The following DBF4 variants were observed in gnomAD, a reference collection of about 807,000 sequenced individuals.
The protein encoded by DBF4 is DBF4-CDC7 kinase regulatory subunit, also known as protein DBF4 homolog A.
In DBF4, 25 loss-of-function variants were observed where a neutral mutation model predicts 76.6. The ratio of observed to expected loss-of-function variants is 0.33; its 90% confidence interval spans 0.24 to 0.46. DBF4 has a LOEUF of 0.46. DBF4 is among the 20% of genes least tolerant of loss of function. The pLI is 1.00. For synonymous variants in DBF4, 213 were observed against 258.0 expected (o/e 0.83, Z 1.67); for missense variants, 638 against 760.8 (o/e 0.84, Z 1.90).
intron 4 of DBF4, among the ~76,000 whole-genome samples, chr7:87,887,101 A>C (rs1456553526): frequency 6.6e-6 from 1 of 152,228 alleles, no homozygotes; most frequent in Non-Finnish European, 1.5e-5. Flanking sequence ...CTGGAAACTT[A>C]AAACTTGCCT....
intron 10 of DBF4, among the ~76,000 whole-genome samples, chr7:87,901,316 T>C (rs1839782639): frequency 6.6e-6 from 1 of 152,174 alleles, no homozygotes; most frequent in Non-Finnish European, 1.5e-5. Context: ...AATGAAGTAA[T>C]GAGACCTGGA....
At chr7:87,878,273 T>C in intron 2 of DBF4, 48 bp downstream of exon 2, 1 of 1,407,332 alleles carries the variant, frequency 7.1e-7, no homozygotes, top group Non-Finnish European at 9.7e-7. Flanking sequence ...TTGTAACTAG[T>C]ACTTTCTACT....
chr7:87,877,545 TTGTA>T (rs1839098724), intron 1 of DBF4, among the ~76,000 whole-genome samples: 1 of 152,212 alleles, frequency 6.6e-6, no homozygotes. Flanking sequence ...CGTAGACAAA[TTGTA>T]TGTGAAATGG....
chr7:87,884,923 T>C, intron 2 of DBF4, 56 bp from the exon 3 acceptor site: 1 of 1,343,376 alleles, frequency 7.4e-7, no homozygotes, highest in Non-Finnish European at 1.0e-6. Flanking sequence ...GATAACACAG[T>C]GAGACCGTGT....
At chr7:87,889,800 A>G (rs1274272628) in intron 6 of DBF4, among the ~76,000 whole-genome samples, 1 of 152,220 alleles carries the variant, frequency 6.6e-6, no homozygotes, top group Non-Finnish European at 1.5e-5. Flanking sequence ...TTGTAGGTTG[A>G]AAAGTGAATG....
intron 10 of DBF4, among the ~76,000 whole-genome samples, chr7:87,903,854 C>A (rs947541102): frequency 6.6e-6 from 1 of 151,986 alleles, no homozygotes; most frequent in African/African-American, 2.4e-5. Context: ...GCCACCAGGC[C>A]CAGCCGATTT....
chr7:87,893,390 C>T (rs1239114821), intron 6 of DBF4, among the ~76,000 whole-genome samples: 7 of 151,630 alleles, frequency 4.6e-5, no homozygotes, highest in African/African-American at 7.3e-5. Flanking sequence ...GGACTACAGG[C>T]GCCCGCCACC....
At chr7:87,887,460 G>A in intron 5 of DBF4, 62 bp downstream of exon 5, 2 of 1,478,922 alleles carry the variant, frequency 1.4e-6, no homozygotes, top group Non-Finnish European at 1.8e-6. Flanking sequence ...CTGTCCTTTG[G>A]TTCCTGACTT....
At chr7:87,906,205 T>C (rs1839910722) in intron 11 of DBF4, among the ~76,000 whole-genome samples, 2 of 152,016 alleles carry the variant, frequency 1.3e-5, no homozygotes, top group South Asian at 2.1e-4. Flanking sequence ...TAAGAACTTA[T>C]AATTCCCTAA....
Position 87,886,887 on chromosome 7 carries a change from A to C in DBF4, c.443A>C (p.Lys148Thr). 1.3e-6 allele frequency: 2 copies of C among 1,561,382 alleles called. No individual in the cohort carries two copies. The highest frequency in any genetic ancestry group is 1.8e-6 in the Non-Finnish European group (2 of 1,141,812). ...RGKLLVEKAI[K>T]DHDFIPSNSI... ...AAATTATTAGTTGAAAAAGCTATCA[A>C]GGACCATGTAAGTAGGAACTATAAA... The change falls in exon 4 of 12, where the codon AAG (lysine) becomes ACG (threonine). Residue 148 changes from lysine (K) to threonine (T), a missense_variant. Lys to Thr is a moderately conservative substitution (Grantham distance 78). Coordinates refer to ENST00000265728, the MANE Select transcript of DBF4 (RefSeq NM_006716.4).
At chr7:87,881,459 T>G (rs1373757164) in intron 2 of DBF4, among the ~76,000 whole-genome samples, 1 of 152,216 alleles carries the variant, frequency 6.6e-6, no homozygotes, top group East Asian at 1.9e-4. Context: ...ATCCTCATGT[T>G]CTAACCTAGC....
At chr7:87,890,089 G>A (rs897020688) in intron 6 of DBF4, among the ~76,000 whole-genome samples, 2 of 152,108 alleles carry the variant, frequency 1.3e-5, no homozygotes, top group African/African-American at 2.4e-5. Context: ...ATGTATATGT[G>A]TATATATATC....
chr7:87,883,250 AG>A (rs1487626495), intron 2 of DBF4, among the ~76,000 whole-genome samples: 1 of 152,138 alleles, frequency 6.6e-6, no homozygotes, highest in Non-Finnish European at 1.5e-5. Context: ...AGTAGAATAA[AG>A]GTTATGAGGG....
In DBF4 at chr7:87,876,875, CTTCTT is replaced by C. The variant is rs1250905946; in HGVS notation, c.46+103_46+107del. The stretch of plus-strand genomic sequence containing the variant: ...CAGACTTCTCCCGCCGGGTCCTCAG[CTTCTT>C]TTCTTCTGACCGGCCTCTGGGGTCT... On this transcript the variant is annotated intron_variant, in intron 1 of 11. Coordinates refer to ENST00000265728, the MANE Select transcript of DBF4 (RefSeq NM_006716.4). 5 of 1,333,492 alleles carry C rather than the reference CTTCTT, an allele frequency of 3.7e-6. No individual in the cohort carries two copies. In the East Asian group the frequency reaches 9.8e-5, roughly 26 times the overall value. 82.6% of individuals were successfully genotyped at this position (1,333,492 alleles called of 1,614,324 possible).
intron 2 of DBF4, among the ~76,000 whole-genome samples, chr7:87,878,807 T>C (rs1266747523): frequency 6.6e-6 from 1 of 152,242 alleles, no homozygotes; most frequent in Non-Finnish European, 1.5e-5. Context: ...TGATATTGGC[T>C]GAATTTTGGC....
intron 2 of DBF4, among the ~76,000 whole-genome samples, chr7:87,882,776 G>A (rs915144257): frequency 5.3e-5 from 8 of 152,150 alleles, no homozygotes; most frequent in Non-Finnish European, 1.0e-4. Context: ...ACACCTGTTA[G>A]GATGGTTACT....
In DBF4 at chr7:87,908,199, G is replaced by T. The variant is rs781212168; in HGVS notation, c.*36G>T. The T allele has an allele frequency of 8.5e-6, 12 of 1,415,220 alleles. No homozygotes were observed. In the East Asian group the frequency reaches 3.0e-4, roughly 35 times the overall value. The allele number at this position is 1,415,220 out of a possible 1,614,324, so 87.7% of individuals were successfully genotyped here. On this transcript the variant is annotated 3_prime_UTR_variant, in exon 12 of 12. Coordinates refer to ENST00000265728, the MANE Select transcript of DBF4 (RefSeq NM_006716.4). ...ATGCATACTTTTCAGAAGTGATAAG[G>T]ATCATATTCTTGAAATTTTTATAAA...
At chr7:87,879,544 G>A (rs1279017272) in intron 2 of DBF4, among the ~76,000 whole-genome samples, 2 of 152,036 alleles carry the variant, frequency 1.3e-5, no homozygotes, top group African/African-American at 4.8e-5. Context: ...CTTCATCTTA[G>A]AAACAAAGTA....
At chr7:87,900,178 T>G (rs1203874678) in intron 8 of DBF4, 43 bp from the exon 9 acceptor site, 2 of 1,485,898 alleles carry the variant, frequency 1.3e-6, no homozygotes, top group Non-Finnish European at 9.2e-7. Flanking sequence ...CTTTTTTCTT[T>G]AATCATAAAG....
Sources: gnomAD v4.1 joint callset for allele counts (sites outside exome capture counted in the v4.1 genomes callset) on GRCh38, gnomAD v4.1.1 for gene constraint, MANE v1.5 for transcripts, NCBI Gene and HGNC (gene_info 2026-07-23, HGNC 2026-07-21) for gene names.